Variants in TDRD3 observed in about 807,000 individuals in gnomAD.
The protein encoded by TDRD3 is tudor domain containing 3, also known as tudor domain-containing protein 3.
In TDRD3, 45 loss-of-function variants were observed where a neutral mutation model predicts 86.7. That is an observed-to-expected ratio of 0.52 (90% CI 0.41 to 0.67). The LOEUF (loss-of-function observed/expected upper bound fraction) is 0.67, where lower values mean the gene tolerates loss of function less well. Among genes scored for constraint, TDRD3 ranks in the 30% least tolerant of loss-of-function variants. TDRD3 has a pLI of 0.00. For missense variants in TDRD3, 814 were observed against 889.0 expected, an observed-to-expected ratio of 0.92 and a Z score of 1.07; for synonymous variants, 298 against 301.7, an observed-to-expected ratio of 0.99 and a Z score of 0.13.
At chr13:60,467,171 G>A in intron 4 of TDRD3, 67 bp from the exon 5 acceptor site, 1 of 1,579,412 alleles carries the variant, frequency 6.3e-7, no homozygotes, top group South Asian at 1.2e-5. Flanking sequence ...GGTCTGTGTT[G>A]TTTCCCGCCC....
chr13:60,484,155 A>T (rs571286585), intron 6 of TDRD3, among the ~76,000 whole-genome samples: 12 of 152,226 alleles, frequency 7.9e-5, no homozygotes, highest in African/African-American at 2.9e-4. Flanking sequence ...AAGAAGACAA[A>T]AATACATCAT....
At chr13:60,459,813 G>T (rs930817324) in intron 3 of TDRD3, among the ~76,000 whole-genome samples, 1 of 152,074 alleles carries the variant, frequency 6.6e-6, no homozygotes, top group African/African-American at 2.4e-5. Context: ...TAGAGACGGG[G>T]ATTCACCATG....
intron 10 of TDRD3, among the ~76,000 whole-genome samples, chr13:60,519,541 T>C (rs955390945): frequency 6.6e-6 from 1 of 152,182 alleles, no homozygotes; most frequent in Non-Finnish European, 1.5e-5. Context: ...CCATTAGTAG[T>C]TTTTTTAACC....
chr13:60,494,385 T>A, intron 7 of TDRD3, 50 bp from the exon 8 acceptor site: 1 of 1,467,502 alleles, frequency 6.8e-7, no homozygotes, highest in Non-Finnish European at 9.1e-7. Context: ...TTTAGAACTA[T>A]TTTTAAATGC....
At chr13:60,404,977 G>C (rs768654794) in intron 1 of TDRD3, among the ~76,000 whole-genome samples, 38 of 152,216 alleles carry the variant, frequency 2.5e-4, no homozygotes, top group Non-Finnish European at 5.3e-4. Flanking sequence ...CCCTGCACAA[G>C]CTCTCTTTTT....
intron 1 of TDRD3, among the ~76,000 whole-genome samples, chr13:60,434,930 A>G (rs1405435226): frequency 1.3e-5 from 2 of 152,182 alleles, no homozygotes; most frequent in East Asian, 1.9e-4. Context: ...AGACTGGTGA[A>G]TCCTGTGTTG....
chr13:60,573,230 C>T (rs1259259934), intron 13 of TDRD3, among the ~76,000 whole-genome samples: 1 of 152,158 alleles, frequency 6.6e-6, no homozygotes, highest in Non-Finnish European at 1.5e-5. Flanking sequence ...GAGGCGTTCA[C>T]AGAAGAACTG....
chr13:60,452,287 G>A (rs1035388796), intron 3 of TDRD3, among the ~76,000 whole-genome samples: 33 of 151,982 alleles, frequency 2.2e-4, no homozygotes, highest in African/African-American at 7.7e-4. Context: ...TGTAAATGGT[G>A]TTTAAAAATT....
At chr13:60,446,737 A>C (rs1566197487) in intron 3 of TDRD3, among the ~76,000 whole-genome samples, 1 of 152,138 alleles carries the variant, frequency 6.6e-6, no homozygotes, top group East Asian at 1.9e-4. Context: ...ACCAGAGTAC[A>C]TATTCAAGGA....
chr13:60,558,928 C>T (rs1456179420), intron 12 of TDRD3, among the ~76,000 whole-genome samples: 1 of 148,504 alleles, frequency 6.7e-6, no homozygotes, highest in East Asian at 2.0e-4. Flanking sequence ...TTTCTTCTTG[C>T]ATTGGCTCTT....
intron 8 of TDRD3, among the ~76,000 whole-genome samples, chr13:60,505,574 C>T (rs1222307472): frequency 6.6e-6 from 1 of 152,094 alleles, no homozygotes; most frequent in Non-Finnish European, 1.5e-5. Context: ...TCTCTCAGCA[C>T]AGTGCTTCTT....
intron 5 of TDRD3, among the ~76,000 whole-genome samples, chr13:60,481,686 C>T (rs73208071): frequency 0.15 from 22,594 of 151,978 alleles, 2,110 homozygotes; most frequent in South Asian, 0.28. Flanking sequence ...GTTTAACGCC[C>T]TATTTATTAG....
chr13:60,447,716 C>T (rs1363170227), intron 3 of TDRD3, among the ~76,000 whole-genome samples: 1 of 152,080 alleles, frequency 6.6e-6, no homozygotes, highest in Admixed American at 6.6e-5. Flanking sequence ...AAGCTAAAAC[C>T]CCTTCTCTGA....
rs113539475 is a variant in TDRD3 at position 60,482,233 on chromosome 13, G to A, written c.496-1542G>A. 8.3e-3 allele frequency among the ~76,000 whole-genome samples: 1,267 copies of A among 152,204 alleles called. 8 individuals carry two copies. The highest frequency in any genetic ancestry group is 0.024 in the Middle Eastern group (7 of 294). On this transcript the variant is annotated intron_variant, in intron 5 of 13. Transcript: ENST00000377881. ...AGCCCCACAACTTCCAGTTGCATCA[G>A]CCTGCTTGAACTGTGAGACTGATAT... is the stretch of plus-strand genomic sequence containing the variant.
chr13:60,544,827 TATAA>T (rs1345640224), intron 12 of TDRD3, among the ~76,000 whole-genome samples: 3 of 152,320 alleles, frequency 2.0e-5, no homozygotes, highest in South Asian at 4.1e-4. Context: ...AAAGGAACTC[TATAA>T]ATAATCAATA....
intron 12 of TDRD3, among the ~76,000 whole-genome samples, chr13:60,544,792 G>A (rs1957901000): frequency 6.6e-6 from 1 of 152,138 alleles, no homozygotes; most frequent in South Asian, 2.1e-4. Context: ...GAGCTCACTT[G>A]AGAGATTTCA....
At chr13:60,451,392 A>G (rs1955537740) in intron 3 of TDRD3, among the ~76,000 whole-genome samples, 1 of 152,164 alleles carries the variant, frequency 6.6e-6, no homozygotes, top group Non-Finnish European at 1.5e-5. Context: ...CTCTGGTACA[A>G]GAAATAGTGT....
intron 5 of TDRD3, among the ~76,000 whole-genome samples, chr13:60,475,505 T>A (rs1346678763): frequency 6.6e-6 from 1 of 152,242 alleles, no homozygotes; most frequent in African/African-American, 2.4e-5. Flanking sequence ...TCGATGGACC[T>A]CTTCACTGAT....
chr13:60,540,405 C>T (rs919530380), intron 12 of TDRD3, among the ~76,000 whole-genome samples: 3 of 152,160 alleles, frequency 2.0e-5, no homozygotes, highest in Non-Finnish European at 1.5e-5. Context: ...ATCTATCACC[C>T]AGCCTTTTAC....
Sources: allele counts gnomAD v4.1 joint callset (sites outside exome capture counted in the v4.1 genomes callset), GRCh38; gene constraint gnomAD v4.1.1; transcripts MANE v1.5; gene names NCBI Gene and HGNC (gene_info 2026-07-23, HGNC 2026-07-21).